TRPM3: variants seen among roughly 807,000 people sequenced by gnomAD.
TRPM3 encodes the protein long transient receptor potential channel 3.
Under a neutral mutation model 181.2 loss-of-function variants are expected in TRPM3, and 77 were observed. The observed-to-expected ratio is 0.42, with a 90% CI of 0.35 to 0.51. The LOEUF is 0.51. Among genes scored for constraint, TRPM3 ranks in the 20% least tolerant of loss-of-function variants. The pLI, the probability that TRPM3 is intolerant of heterozygous loss-of-function variation, is 0.01. For synonymous variants in TRPM3, 745 were observed against 796.4 expected (o/e 0.94, Z 1.09); for missense variants, 1,759 against 2,196.7 (o/e 0.80, Z 3.98).
At position 70,535,415 on chromosome 9, in the gene TRPM3, T is replaced by C. The variant is rs372651849; in HGVS notation, c.*538A>G. The C allele has an allele frequency of 6.4e-7, 1 of 1,550,586 alleles. No individual in the cohort carries two copies. The highest frequency in any genetic ancestry group is 8.7e-7 in the Non-Finnish European group (1 of 1,147,006). On this transcript the variant is annotated 3_prime_UTR_variant, in exon 26 of 26. Transcript: ENST00000677713. ...AAGGATGTGGGACGTTAGGTAGAACTGCTTGCTGCCGGCTTATACTGAATA... is the reference window on the plus strand; with the variant it reads ...AAGGATGTGGGACGTTAGGTAGAACCGCTTGCTGCCGGCTTATACTGAATA...
intron 1 of TRPM3, among the ~76,000 whole-genome samples, chr9:71,333,377 T>G (rs1331165720): frequency 6.6e-6 from 1 of 151,922 alleles, no homozygotes; most frequent in Non-Finnish European, 1.5e-5. Context: ...GGGTTGAACA[T>G]AGAGATTTAC....
intron 1 of TRPM3, among the ~76,000 whole-genome samples, chr9:70,998,738 G>C (rs1333391467): frequency 6.6e-6 from 1 of 152,084 alleles, no homozygotes; most frequent in Non-Finnish European, 1.5e-5. Flanking sequence ...CCCATGAGAG[G>C]GATGTATTAT....
rs1489551379 is a variant in TRPM3 at position 70,537,246 on chromosome 9, C to T, written c.3867G>A (p.Glu1289=). 2 of 1,596,790 alleles carry T rather than the reference C, an allele frequency of 1.3e-6. No individual in the cohort carries two copies. Among genetic ancestry groups the T allele is most frequent in the African/African-American group, 1.3e-5 (1 of 74,540 alleles). ...AGGTCCTCGAGCGGATTTTGTTGGACTCGGCCCGCTCCAGACCTGTCAGGC... is the reference window on the plus strand; with the variant it reads ...AGGTCCTCGAGCGGATTTTGTTGGATTCGGCCCGCTCCAGACCTGTCAGGC... The part of the protein sequence containing the change: ...LERLTGLERA[E]SNKIRSRTSS... The change falls in exon 26 of 26, where the codon GAG becomes GAA. Residue 1289 remains glutamate, a synonymous_variant. Transcript: ENST00000677713.
At chr9:70,598,370 C>T in intron 21 of TRPM3, 49 bp downstream of exon 21, 1 of 1,597,276 alleles carries the variant, frequency 6.3e-7, no homozygotes. Flanking sequence ...CTATTATCAC[C>T]ATTCCTCCTC....
At chr9:71,410,084 C>G (rs1457781582) in intron 1 of TRPM3, among the ~76,000 whole-genome samples, 2 of 152,190 alleles carry the variant, frequency 1.3e-5, no homozygotes, top group East Asian at 1.9e-4. Flanking sequence ...CAACATACCA[C>G]AATCTCTGGG....
At chr9:70,628,614 G>T (rs986935215) in intron 12 of TRPM3, among the ~76,000 whole-genome samples, 1 of 151,992 alleles carries the variant, frequency 6.6e-6, no homozygotes, top group African/African-American at 2.4e-5. Flanking sequence ...CTGAGCTCAG[G>T]AGTTTGAGAC....
intron 8 of TRPM3, among the ~76,000 whole-genome samples, chr9:70,757,583 C>A (rs2077303569): frequency 6.6e-6 from 1 of 152,150 alleles, no homozygotes; most frequent in South Asian, 2.1e-4. Flanking sequence ...GTGAGAAAAT[C>A]CTCAATAAAA....
intron 1 of TRPM3, among the ~76,000 whole-genome samples, chr9:71,318,573 C>T (rs926831168): frequency 2.0e-5 from 3 of 151,998 alleles, no homozygotes; most frequent in Non-Finnish European, 4.4e-5. Flanking sequence ...AAGCAGTTGC[C>T]GGGAACTAAC....
At chr9:70,953,396 A>G (rs1169815411) in intron 1 of TRPM3, among the ~76,000 whole-genome samples, 1 of 152,118 alleles carries the variant, frequency 6.6e-6, no homozygotes, top group Non-Finnish European at 1.5e-5. Context: ...GCTGGTCTCA[A>G]ACAAACAAAC....
At chr9:71,102,394 A>G (rs951623519) in intron 1 of TRPM3, among the ~76,000 whole-genome samples, 3 of 152,240 alleles carry the variant, frequency 2.0e-5, no homozygotes, top group Admixed American at 6.5e-5. Flanking sequence ...GAACATTTCA[A>G]AATGTTAAAA....
At chr9:70,565,284 ATC>A (rs1329715385) in intron 22 of TRPM3, among the ~76,000 whole-genome samples, 1 of 152,124 alleles carries the variant, frequency 6.6e-6, no homozygotes, top group Non-Finnish European at 1.5e-5. Context: ...TGGCAGATTT[ATC>A]TGTTTTTATT....
intron 5 of TRPM3, among the ~76,000 whole-genome samples, chr9:70,841,661 T>TATATATATATATATATATAA (rs1339698170): frequency 4.6e-5 from 4 of 86,080 alleles, no homozygotes; most frequent in African/African-American, 1.9e-4. Context: ...TATATATATA[T>TATATATATATATATATATAA]CCCACCATAT....
At chr9:70,675,133 T>C (rs543221296) in intron 9 of TRPM3, among the ~76,000 whole-genome samples, 10 of 152,264 alleles carry the variant, frequency 6.6e-5, no homozygotes, top group African/African-American at 2.2e-4. Flanking sequence ...AGAGTTTAGC[T>C]CTTGTCACCC....
chr9:71,078,833 GAAATC>G (rs146120186), intron 1 of TRPM3, among the ~76,000 whole-genome samples: 34,272 of 151,784 alleles, frequency 0.23, 4,518 homozygotes, highest in East Asian at 0.32. Context: ...AATGCAGAAA[GAAATC>G]AAATCAAAAC....
chr9:71,311,956 G>A (rs877692), intron 1 of TRPM3, among the ~76,000 whole-genome samples: 6,608 of 152,200 alleles, frequency 0.043, 331 homozygotes, highest in African/African-American at 0.12. Context: ...TGGGCCACAT[G>A]AGGCCTGTGG....
intron 1 of TRPM3, among the ~76,000 whole-genome samples, chr9:70,957,051 C>T (rs2097083717): frequency 6.7e-6 from 1 of 150,092 alleles, no homozygotes; most frequent in African/African-American, 2.5e-5. Context: ...ACCTCTGCTT[C>T]TCAGGTTCAA....
At chr9:71,341,743 A>G (rs2090978460) in intron 1 of TRPM3, among the ~76,000 whole-genome samples, 1 of 152,074 alleles carries the variant, frequency 6.6e-6, no homozygotes, top group Admixed American at 6.6e-5. Context: ...AGTACATACC[A>G]ATGTTAATTT....
At chr9:71,020,729 G>A (rs2097840845) in intron 1 of TRPM3, among the ~76,000 whole-genome samples, 2 of 152,162 alleles carry the variant, frequency 1.3e-5, no homozygotes, top group South Asian at 4.1e-4. Flanking sequence ...CCTAGACCAA[G>A]TTTTGGTGAG....
At chr9:71,109,254 T>C (rs960576558) in intron 1 of TRPM3, among the ~76,000 whole-genome samples, 2 of 152,098 alleles carry the variant, frequency 1.3e-5, no homozygotes, top group African/African-American at 4.8e-5. Context: ...TTCCTTAAAA[T>C]AATCTCTTTC....
Sources: gnomAD v4.1 joint callset for allele counts (sites outside exome capture counted in the v4.1 genomes callset) on GRCh38, gnomAD v4.1.1 for gene constraint, MANE v1.5 for transcripts, NCBI Gene and HGNC (gene_info 2026-07-23, HGNC 2026-07-21) for gene names.